PFKFB1: variants seen among roughly 807,000 people sequenced by gnomAD.
PFKFB1 encodes 6-phosphofructo-2-kinase/fructose-2,6-biphosphatase 1, also known as 6-phosphofructo-2-kinase/fructose-2,6-bisphosphatase 1.
In PFKFB1, 34 loss-of-function variants were observed where a neutral mutation model predicts 46.4. The observed-to-expected ratio is 0.73, with a 90% CI of 0.56 to 0.98. PFKFB1 has a LOEUF of 0.98. Among genes scored for constraint, PFKFB1 ranks in the 50% least tolerant of loss-of-function variants. The pLI is 0.00. For missense variants in PFKFB1, 393 were observed against 376.3 expected, an observed-to-expected ratio of 1.04 and a Z score of -0.37; for synonymous variants, 119 against 133.8, an observed-to-expected ratio of 0.89 and a Z score of 0.76.
chrX:54,934,268 G>A (rs1933315606), intron 12 of PFKFB1, among the ~76,000 whole-genome samples: 1 of 112,253 alleles, frequency 8.9e-6, no homozygotes, highest in African/African-American at 3.2e-5. Context: ...GTGTTAGGTG[G>A]TGAAGAGGTG....
At chrX:54,949,026 C>A (rs1161959825) in intron 9 of PFKFB1, 49 bp downstream of exon 9, 1 of 1,188,531 alleles carries the variant, frequency 8.4e-7, no homozygotes, top group South Asian at 1.8e-5. Context: ...GGGATAATCC[C>A]AGACTCAAGT....
chrX:54,954,763 A>G lies in PFKFB1; in HGVS notation c.638+1390T>C, dbSNP rs1302126923. On this transcript the variant is annotated intron_variant, in intron 7 of 13. Coordinates refer to ENST00000375006, the MANE Select transcript of PFKFB1 (RefSeq NM_002625.4). ...AACTGGACATTCTGTCAAATCAGGG[A>G]CAGCCCTTTCCTCTTTTGATTCCAC... Among the ~76,000 whole-genome samples, 6 of 112,087 alleles carry G rather than the reference A, an allele frequency of 5.4e-5. No homozygotes were observed. In the Admixed American group the frequency reaches 5.7e-4, roughly 11 times the overall value.
intron 10 of PFKFB1, among the ~76,000 whole-genome samples, chrX:54,940,271 C>G (rs1002684150): frequency 8.1e-5 from 9 of 111,280 alleles, no homozygotes; most frequent in African/African-American, 2.9e-4. Flanking sequence ...TATGACAAAC[C>G]CACAGCCAGT....
At chrX:54,983,503 C>A (rs932623754) in intron 1 of PFKFB1, among the ~76,000 whole-genome samples, 1 of 112,028 alleles carries the variant, frequency 8.9e-6, no homozygotes, top group Non-Finnish European at 1.9e-5. Context: ...TGATGTCATT[C>A]TTTTTTATGG....
chrX:54,940,363 T>C (rs1380719385), intron 10 of PFKFB1, among the ~76,000 whole-genome samples: 1 of 111,635 alleles, frequency 9.0e-6, no homozygotes, highest in Non-Finnish European at 1.9e-5. Flanking sequence ...ACCACTCCTA[T>C]TCAACATAGT....
intron 12 of PFKFB1, among the ~76,000 whole-genome samples, chrX:54,934,307 G>A (rs751708837): frequency 9.8e-5 from 11 of 111,992 alleles, no homozygotes; most frequent in Non-Finnish European, 1.7e-4. Flanking sequence ...TGCCTTGGGC[G>A]ATCAGTGCCA....
At chrX:54,941,956 T>C (rs939840481) in intron 10 of PFKFB1, among the ~76,000 whole-genome samples, 5 of 111,922 alleles carry the variant, frequency 4.5e-5, no homozygotes, top group African/African-American at 1.3e-4. Flanking sequence ...ATGTTTACTG[T>C]GGCACTATTC....
chrX:54,963,252 C>T lies in PFKFB1; in HGVS notation c.223+5G>A. On this transcript the variant is annotated splice_donor_5th_base_variant and intron_variant, in intron 2 of 13. Coordinates refer to ENST00000375006, the MANE Select transcript of PFKFB1 (RefSeq NM_002625.4). ...GTTGTTGAACAAAGGCTTTCAGAGA[C>T]ATACCTTTAGTTGGTGTTCCTATCC... 5.8e-6 allele frequency: 7 copies of T among 1,209,300 alleles called. No individual in the cohort carries two copies. The highest frequency in any genetic ancestry group is 7.8e-6 in the Non-Finnish European group (7 of 893,817).
At chrX:54,952,606 C>T (rs1381164460) in intron 7 of PFKFB1, among the ~76,000 whole-genome samples, 1 of 108,695 alleles carries the variant, frequency 9.2e-6, no homozygotes, top group African/African-American at 3.4e-5. Context: ...CACACAGCTA[C>T]CAGATTGCCT....
rs771689097 is a variant in PFKFB1 at position 54,933,376 on chromosome X, C to G, written c.*27G>C. 5 of 1,153,705 alleles carry G rather than the reference C, an allele frequency of 4.3e-6. No homozygotes were observed. Among genetic ancestry groups the G allele is most frequent in the Non-Finnish European group, 5.9e-6 (5 of 842,535 alleles). On this transcript the variant is annotated 3_prime_UTR_variant, in exon 14 of 14. Transcript: ENST00000375006. The stretch of plus-strand genomic sequence containing the variant: ...CTAAAGGTGGAAGGCGATGAGGACA[C>G]AGGCAGTTTGACTTCTTGGAAAGGG...
At chrX:54,997,096 G>A (rs1935367930), upstream of PFKFB1, among the ~76,000 whole-genome samples, 1 of 111,980 alleles carries the variant, frequency 8.9e-6, no homozygotes, top group Non-Finnish European at 1.9e-5. Flanking sequence ...GAAGACACTT[G>A]CTTATTGTGT....
intron 1 of PFKFB1, among the ~76,000 whole-genome samples, chrX:54,975,481 G>T (rs1014772983): frequency 9.0e-6 from 1 of 110,667 alleles, no homozygotes; most frequent in African/African-American, 3.3e-5. Flanking sequence ...GGACTTGCGG[G>T]GAAGGATGGA....
At chrX:54,933,610 G>A in intron 13 of PFKFB1, 148 bp from the exon 14 acceptor site, 1 of 551,000 alleles carries the variant, frequency 1.8e-6, no homozygotes, top group Non-Finnish European at 3.0e-6. Context: ...ATCTCAGCCT[G>A]AGGCCTTTTA....
At chrX:54,935,198 G>A (rs1328100317) in intron 11 of PFKFB1, among the ~76,000 whole-genome samples, 189 bp from the exon 12 acceptor site, 1 of 112,349 alleles carries the variant, frequency 8.9e-6, no homozygotes, top group Non-Finnish European at 1.9e-5. Context: ...GAGGAGAGCA[G>A]GGAGGCAGGA....
chrX:54,987,072 A>G (rs947429099), intron 1 of PFKFB1, among the ~76,000 whole-genome samples: 1 of 111,376 alleles, frequency 9.0e-6, no homozygotes, highest in African/African-American at 3.2e-5. Flanking sequence ...AAAAAAGAGA[A>G]AACTCAAATT....
intron 1 of PFKFB1, among the ~76,000 whole-genome samples, chrX:54,970,330 AT>A (rs1934614404): frequency 1.8e-5 from 2 of 110,784 alleles, no homozygotes; most frequent in Admixed American, 9.6e-5. Flanking sequence ...TCATTTTTTT[AT>A]TTTTTTAGTT....
chrX:54,946,479 G>T (rs1431078521), intron 9 of PFKFB1, among the ~76,000 whole-genome samples: 1 of 111,704 alleles, frequency 9.0e-6, no homozygotes, highest in Non-Finnish European at 1.9e-5. Flanking sequence ...TAGGGGGCCA[G>T]TGGCCTCTGG....
chrX:54,962,971 TACTC>T (rs1272235113), intron 2 of PFKFB1, among the ~76,000 whole-genome samples: 1 of 112,387 alleles, frequency 8.9e-6, no homozygotes, highest in Non-Finnish European at 1.9e-5. Flanking sequence ...AATAATATGT[TACTC>T]ACAGGATTGT....
intron 1 of PFKFB1, among the ~76,000 whole-genome samples, chrX:54,977,753 A>C (rs1198424985): frequency 9.0e-6 from 1 of 110,970 alleles, no homozygotes; most frequent in East Asian, 2.8e-4. Context: ...TTCTTGGAGA[A>C]GAGGCTGGTG....
Sources: gnomAD v4.1 joint callset for allele counts (sites outside exome capture counted in the v4.1 genomes callset) on GRCh38, gnomAD v4.1.1 for gene constraint, MANE v1.5 for transcripts, NCBI Gene and HGNC (gene_info 2026-07-23, HGNC 2026-07-21) for gene names.